The following SAMD4A variants were observed in gnomAD, a reference collection of about 807,000 sequenced individuals.
The protein encoded by SAMD4A is sterile alpha motif domain containing 4A, also known as protein Smaug homolog 1.
In SAMD4A, 33 loss-of-function variants were observed where a neutral mutation model predicts 81.3. The ratio of observed to expected loss-of-function variants is 0.41; its 90% CI spans 0.31 to 0.54. The LOEUF (loss-of-function observed/expected upper bound fraction) is 0.54, where lower values mean the gene tolerates loss of function less well. SAMD4A is among the 20% of genes least tolerant of loss of function. The pLI, the probability that SAMD4A is intolerant of heterozygous loss-of-function variation, is 0.37. For missense variants in SAMD4A, 854 were observed against 951.1 expected, an observed-to-expected ratio of 0.90 and a Z score of 1.34; for synonymous variants, 389 against 382.1, an observed-to-expected ratio of 1.02 and a Z score of -0.21.
chr14:54,571,734 A>G (rs2033134540), intron 2 of SAMD4A, among the ~76,000 whole-genome samples: 1 of 152,212 alleles, frequency 6.6e-6, no homozygotes, highest in African/African-American at 2.4e-5. Flanking sequence ...ACTCTCTCTC[A>G]GAATGTAATT....
chr14:54,791,681 T>C lies in SAMD4A; in HGVS notation c.*2737T>C, dbSNP rs2039262409. On this transcript the variant is annotated 3_prime_UTR_variant, in exon 13 of 13. Coordinates refer to ENST00000554335, the MANE Select transcript of SAMD4A (RefSeq NM_015589.6). ...TAATTTTTTTTTTAAGTTGAGTGTTTGATAAATTTTAAGACCCTGTCCCCA... is the reference window on the plus strand; with the variant it reads ...TAATTTTTTTTTTAAGTTGAGTGTTCGATAAATTTTAAGACCCTGTCCCCA... The C allele has an allele frequency of 6.6e-6, 1 of 152,176 alleles. No individual in the cohort carries two copies. The highest frequency in any genetic ancestry group is 1.5e-5 in the Non-Finnish European group (1 of 68,034). The allele number at this position is 152,176 out of a possible 1,614,324, so 9.4% of individuals were successfully genotyped here. A position where few individuals can be genotyped will look rare whatever the true frequency, so the allele number is the denominator to read the frequency against.
At chr14:54,652,068 T>G (rs1367007951) in intron 2 of SAMD4A, among the ~76,000 whole-genome samples, 2 of 152,224 alleles carry the variant, frequency 1.3e-5, no homozygotes, top group Non-Finnish European at 2.9e-5. Context: ...ACCAGAACTT[T>G]GCACTTCTGC....
At chr14:54,745,206 A>T (rs1286390973) in intron 4 of SAMD4A, among the ~76,000 whole-genome samples, 1 of 152,116 alleles carries the variant, frequency 6.6e-6, no homozygotes, top group Admixed American at 6.5e-5. Flanking sequence ...GTGTTCTGCT[A>T]CTCAGGTTTC....
At chr14:54,571,446 C>T (rs921073467) in intron 2 of SAMD4A, among the ~76,000 whole-genome samples, 19 of 152,092 alleles carry the variant, frequency 1.2e-4, no homozygotes, top group Admixed American at 3.3e-4. Flanking sequence ...CTACAAGTAG[C>T]AAAAATGCAA....
chr14:54,607,656 G>A (rs1297864600), intron 2 of SAMD4A, among the ~76,000 whole-genome samples: 6 of 151,530 alleles, frequency 4.0e-5, no homozygotes, highest in Admixed American at 1.3e-4. Context: ...GGGTTTCACC[G>A]TGTTAGCCAG....
intron 2 of SAMD4A, among the ~76,000 whole-genome samples, chr14:54,648,862 T>TG (rs1037407119): frequency 7.9e-5 from 12 of 151,410 alleles, no homozygotes; most frequent in Non-Finnish European, 1.5e-4. Flanking sequence ...AGTGAGGAGG[T>TG]GGGGGTTCAT....
chr14:54,788,688 G>A (rs1308457926), intron 12 of SAMD4A, among the ~76,000 whole-genome samples: 1 of 152,190 alleles, frequency 6.6e-6, no homozygotes, highest in Non-Finnish European at 1.5e-5. Flanking sequence ...GGGAGGTGAG[G>A]ATTAGATATT....
intron 2 of SAMD4A, chr14:54,681,698 C>A: frequency 1.4e-6 from 1 of 699,814 alleles, no homozygotes; most frequent in Non-Finnish European, 1.8e-6. Context: ...TCCTAAAGTA[C>A]TGGGATTACA....
chr14:54,761,022 A>T (rs1214342865), intron 7 of SAMD4A, among the ~76,000 whole-genome samples: 1 of 152,186 alleles, frequency 6.6e-6, no homozygotes, highest in Non-Finnish European at 1.5e-5. Context: ...CATGGTTTGG[A>T]GAATTCCCAG....
chr14:54,690,243 T>C (rs543813311), intron 2 of SAMD4A, among the ~76,000 whole-genome samples: 1 of 151,984 alleles, frequency 6.6e-6, no homozygotes, highest in African/African-American at 2.4e-5. Flanking sequence ...TAAATGGCAT[T>C]TGGGGAGAGA....
intron 2 of SAMD4A, among the ~76,000 whole-genome samples, chr14:54,569,055 T>C (rs1036199321): frequency 2.0e-5 from 3 of 151,776 alleles, no homozygotes; most frequent in African/African-American, 7.3e-5. Flanking sequence ...GGTTGTGATT[T>C]TGGATAGGGG....
chr14:54,656,828 C>T (rs146475593), intron 2 of SAMD4A, among the ~76,000 whole-genome samples: 2,402 of 152,170 alleles, frequency 0.016, 48 homozygotes, highest in African/African-American at 0.054. Flanking sequence ...AGGATGGTCT[C>T]GATCTCCTGA....
At chr14:54,785,815 G>GCTCCC (rs746972096) in intron 12 of SAMD4A, among the ~76,000 whole-genome samples, 5 of 152,240 alleles carry the variant, frequency 3.3e-5, no homozygotes, top group Non-Finnish European at 7.3e-5. Flanking sequence ...ACACCCACCT[G>GCTCCC]ACCTTAGCAT....
chr14:54,652,903 A>G (rs2035436923), intron 2 of SAMD4A: 1 of 152,100 alleles, frequency 6.6e-6, no homozygotes, highest in African/African-American at 2.4e-5. Flanking sequence ...TCGAAATGAG[A>G]ATCCTGATTC....
intron 2 of SAMD4A, among the ~76,000 whole-genome samples, chr14:54,697,173 G>A (rs537405009): frequency 5.9e-5 from 9 of 152,306 alleles, no homozygotes; most frequent in South Asian, 4.1e-4. Context: ...TCTGGCTTCC[G>A]TTTGAAGGTA....
chr14:54,755,305 TG>T (rs893204482), intron 6 of SAMD4A, among the ~76,000 whole-genome samples: 1 of 152,102 alleles, frequency 6.6e-6, no homozygotes, highest in Non-Finnish European at 1.5e-5. Flanking sequence ...CTGAGGTGCC[TG>T]TGAGACACCC....
intron 10 of SAMD4A, 152 bp from the exon 11 acceptor site, chr14:54,776,262 T>A (rs2038844963): frequency 6.8e-6 from 5 of 738,402 alleles, no homozygotes; most frequent in Non-Finnish European, 1.1e-5. Context: ...CCTCTCTCTA[T>A]AAATAAGCAG....
intron 2 of SAMD4A, among the ~76,000 whole-genome samples, chr14:54,620,556 G>C (rs2034591827): frequency 6.6e-6 from 1 of 152,214 alleles, no homozygotes; most frequent in Non-Finnish European, 1.5e-5. Flanking sequence ...CTCTGGCTCT[G>C]CCTTGTCAGG....
At chr14:54,651,641 A>G (rs1318840249) in intron 2 of SAMD4A, among the ~76,000 whole-genome samples, 1 of 152,222 alleles carries the variant, frequency 6.6e-6, no homozygotes, top group Non-Finnish European at 1.5e-5. Context: ...CTTTTGAATG[A>G]TTAATATTTA....
Sources: gnomAD v4.1 joint callset for allele counts (sites outside exome capture counted in the v4.1 genomes callset) on GRCh38, gnomAD v4.1.1 for gene constraint, MANE v1.5 for transcripts, NCBI Gene and HGNC (gene_info 2026-07-23, HGNC 2026-07-21) for gene names.